The following SGCD variants were observed in gnomAD, a reference collection of about 807,000 sequenced individuals.
SGCD encodes the protein delta-sarcoglycan.
A neutral mutation model predicts 36.6 loss-of-function variants in SGCD; 18 were observed. The observed-to-expected ratio is 0.49, with a 90% CI of 0.34 to 0.73. The LOEUF is 0.73. Among genes scored for constraint, SGCD ranks in the 30% least tolerant of loss-of-function variants. The probability of loss-of-function intolerance (pLI) is 0.01; values close to 1 mark genes in which losing one functional copy is unlikely to be tolerated. For synonymous variants in SGCD, 133 were observed against 130.6 expected (o/e 1.02, Z -0.12); for missense variants, 387 against 346.7 (o/e 1.12, Z -0.92).
At chr5:155,927,901 T>C (rs1295779629) in intron 1 of SGCD, among the ~76,000 whole-genome samples, 1 of 152,230 alleles carries the variant, frequency 6.6e-6, no homozygotes. Context: ...TTAGTTTTCT[T>C]AACACTTTTT....
chr5:155,783,562 A>G, the SGCD span, among the ~76,000 whole-genome samples: 1 of 152,120 alleles, frequency 6.6e-6, no homozygotes, highest in South Asian at 2.1e-4. Context: ...ACAAACTCTG[A>G]AAGCATAGTC....
intron 4 of SGCD, among the ~76,000 whole-genome samples, chr5:156,558,559 CG>C (rs1156835788): frequency 1.3e-5 from 2 of 152,044 alleles, no homozygotes; most frequent in African/African-American, 4.8e-5. Context: ...TACCACTCAC[CG>C]GGGGTAGAAA....
chr5:156,431,803 C>A (rs1362493274), intron 3 of SGCD, among the ~76,000 whole-genome samples: 1 of 152,114 alleles, frequency 6.6e-6, no homozygotes, highest in African/African-American at 2.4e-5. Flanking sequence ...GCAACCTCTG[C>A]CTCCCCAGTT....
rs147781034 is a variant in SGCD, at chr5:156,484,390, G to T, written c.193-24211G>T. On this transcript the variant is annotated intron_variant, in intron 3 of 8. Coordinates refer to ENST00000337851, the MANE Select transcript of SGCD (RefSeq NM_000337.6). The stretch of plus-strand genomic sequence containing the variant: ...ATAGAGGAGGAAACTGCAGATAAAA[G>T]TATCAAGTGACTTGCCCAAGGTCAT... Among the ~76,000 whole-genome samples, 50 of 152,286 alleles carry T rather than the reference G, an allele frequency of 3.3e-4. 1 individual carries two copies. Among genetic ancestry groups the T allele is most frequent in the African/African-American group, 1.2e-3 (48 of 41,566 alleles).
chr5:156,357,484 G>A (rs941776485), intron 3 of SGCD, among the ~76,000 whole-genome samples: 2 of 152,202 alleles, frequency 1.3e-5, no homozygotes, highest in Non-Finnish European at 1.5e-5. Context: ...TCATTGTATA[G>A]CTAGGGTCAA....
intron 1 of SGCD, among the ~76,000 whole-genome samples, chr5:155,890,120 A>G (rs1055129724): frequency 6.6e-6 from 1 of 152,196 alleles, no homozygotes; most frequent in Non-Finnish European, 1.5e-5. Context: ...ACTCATGGCT[A>G]TATTTGAGGC....
At chr5:155,942,347 T>TATCTATCC (rs1225681131) in intron 1 of SGCD, among the ~76,000 whole-genome samples, 7 of 151,878 alleles carry the variant, frequency 4.6e-5, no homozygotes, top group Non-Finnish European at 1.0e-4. Flanking sequence ...TCTATCTATC[T>TATCTATCC]ATCTATCTAT....
intron 3 of SGCD, among the ~76,000 whole-genome samples, chr5:156,186,625 A>G (rs766332492): frequency 6.6e-6 from 1 of 152,184 alleles, no homozygotes; most frequent in African/African-American, 2.4e-5. Flanking sequence ...ACACGACTAT[A>G]TGCAACTATG....
intron 1 of SGCD, among the ~76,000 whole-genome samples, chr5:155,948,095 G>A (rs1356731282): frequency 2.0e-5 from 3 of 152,116 alleles, no homozygotes; most frequent in Non-Finnish European, 4.4e-5. Context: ...GACCAACATG[G>A]TGAAACCCTG....
intron 3 of SGCD, among the ~76,000 whole-genome samples, chr5:156,288,789 G>A (rs1766682840): frequency 6.6e-6 from 1 of 152,006 alleles, no homozygotes; most frequent in Admixed American, 6.6e-5. Context: ...GATTCTAACT[G>A]TAAGAATGTT....
chr5:156,503,660 A>G (rs1443265070), intron 3 of SGCD, among the ~76,000 whole-genome samples: 4 of 152,190 alleles, frequency 2.6e-5, no homozygotes, highest in African/African-American at 9.7e-5. Context: ...TTAGCTAGCT[A>G]TATAATTTTG....
intron 3 of SGCD, among the ~76,000 whole-genome samples, chr5:156,247,579 A>G (rs773187728): frequency 4.6e-5 from 7 of 152,180 alleles, no homozygotes; most frequent in Non-Finnish European, 7.4e-5. Context: ...TCCAAGATAG[A>G]TGTGGGAGAT....
At chr5:156,035,006 A>G (rs1025703881) in intron 1 of SGCD, among the ~76,000 whole-genome samples, 2 of 152,230 alleles carry the variant, frequency 1.3e-5, no homozygotes, top group Admixed American at 1.3e-4. Flanking sequence ...TTTTTATAAT[A>G]CATAAATACC....
chr5:156,714,291 CA>C (rs1357371617), intron 7 of SGCD, among the ~76,000 whole-genome samples: 1 of 152,152 alleles, frequency 6.6e-6, no homozygotes, highest in African/African-American at 2.4e-5. Flanking sequence ...TATTGATTGC[CA>C]CATTTTTTGC....
chr5:156,493,416 A>G (rs1319649250), intron 3 of SGCD, among the ~76,000 whole-genome samples: 1 of 152,172 alleles, frequency 6.6e-6, no homozygotes, highest in Non-Finnish European at 1.5e-5. Context: ...CTTGACATGT[A>G]AAATGAGCCA....
intron 3 of SGCD, among the ~76,000 whole-genome samples, chr5:156,464,112 GA>G (rs1459325813): frequency 6.6e-6 from 1 of 151,652 alleles, no homozygotes; most frequent in Admixed American, 6.6e-5. Context: ...TCACTATTAT[GA>G]TATCCATTTT....
At chr5:156,455,449 CTTT>C (rs33933820) in intron 3 of SGCD, among the ~76,000 whole-genome samples, 1 of 147,718 alleles carries the variant, frequency 6.8e-6, no homozygotes, top group Non-Finnish European at 1.5e-5. Flanking sequence ...ATTTCAAAGA[CTTT>C]TTTTTTTTTT....
intron 6 of SGCD, among the ~76,000 whole-genome samples, chr5:156,618,677 T>C (rs1256429860): frequency 6.6e-6 from 1 of 151,744 alleles, no homozygotes; most frequent in Admixed American, 6.6e-5. Flanking sequence ...CTGATGTCTG[T>C]AGGCAGCATA....
At chr5:156,532,274 A>G (rs1372748911) in intron 4 of SGCD, among the ~76,000 whole-genome samples, 3 of 152,186 alleles carry the variant, frequency 2.0e-5, no homozygotes, top group Non-Finnish European at 2.9e-5. Flanking sequence ...ACTTTAATAC[A>G]TATTAAAATA....
Sources: allele counts gnomAD v4.1 joint callset (sites outside exome capture counted in the v4.1 genomes callset), GRCh38; gene constraint gnomAD v4.1.1; transcripts MANE v1.5; gene names NCBI Gene and HGNC (gene_info 2026-07-23, HGNC 2026-07-21).